ITGB3BP: variants seen among roughly 807,000 people sequenced by gnomAD.
ITGB3BP encodes integrin subunit beta 3 binding protein, also known as centromere protein R.
Under a neutral mutation model 29.1 loss-of-function variants are expected in ITGB3BP, and 27 were observed. The ratio of observed to expected loss-of-function variants is 0.93; its 90% CI spans 0.68 to 1.28. The LOEUF is 1.28. ITGB3BP is among the 50% of genes most tolerant of loss of function. The pLI is 0.00. For synonymous variants in ITGB3BP, 61 were observed against 61.4 expected, an observed-to-expected ratio of 0.99 and a Z score of 0.03; for missense variants, 192 against 200.2, an observed-to-expected ratio of 0.96 and a Z score of 0.25.
At chr1:63,492,705 C>A (rs889544793) in intron 2 of ITGB3BP, among the ~76,000 whole-genome samples, 1 of 151,664 alleles carries the variant, frequency 6.6e-6, no homozygotes, top group Non-Finnish European at 1.5e-5. Flanking sequence ...TTTAGAAAAA[C>A]AGGAAGAAAG....
intron 1 of ITGB3BP, among the ~76,000 whole-genome samples, chr1:63,510,728 C>T (rs1264794353): frequency 6.6e-6 from 1 of 151,964 alleles, no homozygotes; most frequent in Non-Finnish European, 1.5e-5. Flanking sequence ...AGATCTCAGG[C>T]CCTGTGCATA....
intron 4 of ITGB3BP, among the ~76,000 whole-genome samples, chr1:63,461,760 A>C (rs1299356918): frequency 6.6e-6 from 1 of 152,226 alleles, no homozygotes; most frequent in African/African-American, 2.4e-5. Flanking sequence ...CCTCCTTGTC[A>C]AAAACCAACT....
intron 4 of ITGB3BP, among the ~76,000 whole-genome samples, chr1:63,473,561 G>A (rs112626936): frequency 3.2e-5 from 4 of 124,436 alleles, no homozygotes; most frequent in African/African-American, 1.2e-4. Flanking sequence ...CCCCATCTGG[G>A]AGGGGGGAGG....
chr1:63,508,575 A>C lies in ITGB3BP; in HGVS notation c.6-5T>G. ...AACTTCAGTGATCTTTTAACACTAC[A>C]AACAAAAAATTTAAAGAAATTTTAG... is the stretch of plus-strand genomic sequence containing the variant. On this transcript the variant is annotated splice_polypyrimidine_tract_variant and splice_region_variant and intron_variant, in intron 1 of 8. Transcript: ENST00000271002. 7.5e-7 allele frequency: 1 copy of C among 1,329,704 alleles called. No homozygotes were observed. The highest frequency in any genetic ancestry group is 1.0e-6 in the Non-Finnish European group (1 of 971,482). The allele number at this position is 1,329,704 out of a possible 1,614,324, so 82.4% of individuals were successfully genotyped here.
chr1:63,514,932 G>A (rs1259526532), intron 1 of ITGB3BP, among the ~76,000 whole-genome samples: 25 of 124,740 alleles, frequency 2.0e-4, no homozygotes, highest in Admixed American at 3.4e-4. Flanking sequence ...GTGACAGAGC[G>A]AGACTCTGTC....
At chr1:63,527,526 G>GA (rs1646615629), upstream of ITGB3BP, among the ~76,000 whole-genome samples, 1 of 370 alleles carries the variant, frequency 2.7e-3, no homozygotes, top group Non-Finnish European at 7.0e-3. Context: ...AAATAATACA[G>GA]GATTATAGAT....
intron 1 of ITGB3BP, among the ~76,000 whole-genome samples, chr1:63,515,481 T>A (rs1044947855): frequency 2.6e-5 from 4 of 152,184 alleles, no homozygotes; most frequent in African/African-American, 9.7e-5. Context: ...ATACAAATTT[T>A]GAAATCAGTT....
chr1:63,514,021 G>C (rs1025238053), intron 1 of ITGB3BP, among the ~76,000 whole-genome samples: 2 of 152,106 alleles, frequency 1.3e-5, no homozygotes, highest in African/African-American at 4.8e-5. Context: ...TATGAGGAGG[G>C]TACCTCAGGC....
intron 2 of ITGB3BP, among the ~76,000 whole-genome samples, chr1:63,504,218 A>G (rs1646014571): frequency 6.6e-6 from 1 of 151,994 alleles, no homozygotes; most frequent in South Asian, 2.1e-4. Flanking sequence ...CTCCTTAAAG[A>G]GGTCCTTCAC....
intron 1 of ITGB3BP, among the ~76,000 whole-genome samples, chr1:63,518,404 G>A (rs778812008): frequency 6.6e-6 from 1 of 152,116 alleles, no homozygotes; most frequent in Non-Finnish European, 1.5e-5. Context: ...TGGAATAAAG[G>A]CTTTAATGAT....
intron 8 of ITGB3BP, among the ~76,000 whole-genome samples, chr1:63,446,189 A>G (rs1383498232): frequency 3.9e-5 from 6 of 152,150 alleles, no homozygotes; most frequent in African/African-American, 1.4e-4. Context: ...GTGAGCCACC[A>G]TGCCCAGCCA....
rs374453479 is a variant in ITGB3BP at position 63,514,923 on chromosome 1, T to C, written c.6-6353A>G. Among the ~76,000 whole-genome samples the C allele has an allele frequency of 7.1e-5, 9 of 127,202 alleles. No homozygotes were observed. In the East Asian group the frequency reaches 1.1e-3, roughly 16 times the overall value. The allele number at this position is 127,202 out of a possible 152,430, so 83.4% of individuals were successfully genotyped here. A position where few individuals can be genotyped will look rare whatever the true frequency, so the allele number is the denominator to read the frequency against. ...ATCGTGCCACTGCACTCCAGCCTGGTGACAGAGCGAGACTCTGTCTCAAAA... is the reference window on the plus strand; with the variant it reads ...ATCGTGCCACTGCACTCCAGCCTGGCGACAGAGCGAGACTCTGTCTCAAAA... On this transcript the variant is annotated intron_variant, in intron 1 of 8. Coordinates refer to ENST00000271002, the MANE Select transcript of ITGB3BP (RefSeq NM_014288.5).
rs558737467 is a variant in ITGB3BP, at chr1:63,480,866, G to T, written c.185-2033C>A. Among the ~76,000 whole-genome samples, 134 of 152,138 alleles carry T rather than the reference G, an allele frequency of 8.8e-4. 2 individuals carry two copies. The highest frequency in any genetic ancestry group is 6.9e-4 in the Non-Finnish European group (47 of 67,942). On this transcript the variant is annotated intron_variant, in intron 3 of 8. Coordinates refer to ENST00000271002, the MANE Select transcript of ITGB3BP (RefSeq NM_014288.5). Reference sequence around the variant, plus strand: ...GGGGAAAAGAATAACAATATATTATGATTTTAGAGAGTTTTGGAGTAATAA... The same window carrying T: ...GGGGAAAAGAATAACAATATATTATTATTTTAGAGAGTTTTGGAGTAATAA...
chr1:63,444,412 G>C (rs750740749), intron 8 of ITGB3BP, among the ~76,000 whole-genome samples: 1 of 148,640 alleles, frequency 6.7e-6, no homozygotes, highest in East Asian at 2.0e-4. Context: ...GAATATAAGT[G>C]TATGTGGATG....
At chr1:63,471,275 T>TTG (rs1645192133) in intron 4 of ITGB3BP, among the ~76,000 whole-genome samples, 1 of 150,954 alleles carries the variant, frequency 6.6e-6, no homozygotes, top group African/African-American at 2.4e-5. Flanking sequence ...TTTTTTTTTT[T>TTG]TTTTTGAGAC....
intron 7 of ITGB3BP, chr1:63,453,568 T>C (rs1425541052): frequency 1.7e-5 from 3 of 179,370 alleles, no homozygotes; most frequent in Admixed American, 1.3e-4. Flanking sequence ...ATGCTTCTAG[T>C]GCAACACTAA....
intron 3 of ITGB3BP, among the ~76,000 whole-genome samples, 189 bp from the exon 4 acceptor site, chr1:63,479,022 A>G (rs750122529): frequency 3.0e-4 from 46 of 152,258 alleles, no homozygotes; most frequent in Non-Finnish European, 5.3e-4. Flanking sequence ...TCACAATACC[A>G]TATAAGAAAA....
At chr1:63,521,152 CA>C (rs931937250) in intron 1 of ITGB3BP, among the ~76,000 whole-genome samples, 1 of 151,790 alleles carries the variant, frequency 6.6e-6, no homozygotes, top group African/African-American at 2.4e-5. Context: ...AAATACATAC[CA>C]AATAGTCACC....
At chr1:63,468,555 G>A (rs540262226) in intron 4 of ITGB3BP, among the ~76,000 whole-genome samples, 13 of 151,604 alleles carry the variant, frequency 8.6e-5, no homozygotes, top group Non-Finnish European at 1.5e-4. Flanking sequence ...GTGAAAGCCC[G>A]TCTCTACTAA....
Sources: gnomAD v4.1 joint callset for allele counts (sites outside exome capture counted in the v4.1 genomes callset) on GRCh38, gnomAD v4.1.1 for gene constraint, MANE v1.5 for transcripts, NCBI Gene and HGNC (gene_info 2026-07-23, HGNC 2026-07-21) for gene names.